SNTG1: variants seen among roughly 807,000 people sequenced by gnomAD.
The protein encoded by SNTG1 is gamma-1-syntrophin.
In SNTG1, 39 loss-of-function variants were observed where a neutral mutation model predicts 74.7. The ratio of observed to expected loss-of-function variants is 0.52; its 90% CI spans 0.40 to 0.68. SNTG1 has a LOEUF of 0.68. Among genes scored for constraint, SNTG1 ranks in the 30% least tolerant of loss-of-function variants. The probability of loss-of-function intolerance (pLI) is 0.00; values close to 1 mark genes in which losing one functional copy is unlikely to be tolerated. For synonymous variants in SNTG1, 254 were observed against 217.1 expected, an observed-to-expected ratio of 1.17 and a Z score of -1.49; for missense variants, 685 against 609.5, an observed-to-expected ratio of 1.12 and a Z score of -1.30.
intron 2 of SNTG1, among the ~76,000 whole-genome samples, chr8:50,334,688 C>A (rs1041554763): frequency 2.0e-5 from 3 of 152,040 alleles, no homozygotes; most frequent in Non-Finnish European, 2.9e-5. Context: ...GCTATCTGGG[C>A]AAATTACTCA....
intron 18 of SNTG1, among the ~76,000 whole-genome samples, chr8:50,768,450 T>C (rs2095619182): frequency 6.6e-6 from 1 of 152,060 alleles, no homozygotes; most frequent in Admixed American, 6.6e-5. Context: ...TGTTGATGTT[T>C]GGATTTCAGA....
chr8:50,555,850 A>G (rs2094452900), intron 12 of SNTG1, among the ~76,000 whole-genome samples: 1 of 152,192 alleles, frequency 6.6e-6, no homozygotes, highest in Admixed American at 6.5e-5. Context: ...TTAATGATGA[A>G]TCACATTTTA....
At chr8:50,377,420 C>A (rs563595510) in intron 2 of SNTG1, among the ~76,000 whole-genome samples, 1 of 152,086 alleles carries the variant, frequency 6.6e-6, no homozygotes, top group Admixed American at 6.5e-5. Context: ...ATAGGGTATT[C>A]TTCAGTTTTT....
intron 15 of SNTG1, among the ~76,000 whole-genome samples, chr8:50,662,350 T>C (rs1335292584): frequency 6.6e-6 from 1 of 152,188 alleles, no homozygotes; most frequent in South Asian, 2.1e-4. Context: ...ACACCAGTAA[T>C]AACAAAAATG....
At chr8:50,583,756 G>C (rs1417303372) in intron 12 of SNTG1, among the ~76,000 whole-genome samples, 1 of 150,132 alleles carries the variant, frequency 6.7e-6, no homozygotes, top group African/African-American at 2.5e-5. Flanking sequence ...AGTTTCTTCA[G>C]ATTTGTTTTT....
chr8:50,147,034 A>T (rs956755103), intron 1 of SNTG1, among the ~76,000 whole-genome samples: 1 of 149,744 alleles, frequency 6.7e-6, no homozygotes, highest in Non-Finnish European at 1.5e-5. Context: ...CCAATTTTTA[A>T]TTTTTTTTTT....
chr8:50,513,149 C>T (rs1469491279), intron 9 of SNTG1, among the ~76,000 whole-genome samples: 3 of 152,178 alleles, frequency 2.0e-5, no homozygotes, highest in Non-Finnish European at 4.4e-5. Flanking sequence ...GAACCCTCAG[C>T]TGCTGGTCTG....
chr8:50,138,117 T>G (rs2081534996), intron 1 of SNTG1, among the ~76,000 whole-genome samples: 1 of 152,166 alleles, frequency 6.6e-6, no homozygotes, highest in African/African-American at 2.4e-5. Flanking sequence ...TAATTGTGAC[T>G]TCATAATAAC....
At position 50,793,194 on chromosome 8, in the gene SNTG1, A is replaced by C. The variant is rs1311228807; in HGVS notation, c.*365A>C. The C allele has an allele frequency of 1.3e-5, 2 of 157,934 alleles. No individual in the cohort carries two copies. Among genetic ancestry groups the C allele is most frequent in the East Asian group, 3.7e-4 (2 of 5,448 alleles). The allele number at this position is 157,934 out of a possible 1,614,324, so 9.8% of individuals were successfully genotyped here. On this transcript the variant is annotated 3_prime_UTR_variant, in exon 19 of 19. Transcript: ENST00000642720. ...TTAAATGATTACTTCTGTATTTTAG[A>C]TTATTTTGTATGACTAGTACATGTT... is the stretch of plus-strand genomic sequence containing the variant.
In SNTG1 at chr8:50,119,644, AC is replaced by A. The variant is rs2080931483; in HGVS notation, c.-102-52916del. Among the ~76,000 whole-genome samples the A allele has an allele frequency of 1.4e-5, 2 of 141,994 alleles. 1 individual carries two copies. Among genetic ancestry groups the A allele is most frequent in the Non-Finnish European group, 3.1e-5 (2 of 63,736 alleles). The allele number at this position is 141,994 out of a possible 152,430, so 93.2% of individuals were successfully genotyped here. The stretch of plus-strand genomic sequence containing the variant: ...GAAAATTAGATGAGATAATAGGTAA[AC>A]AGATAATAGCTAGCATTGAGCTAGC... On this transcript the variant is annotated intron_variant, in intron 1 of 18. Coordinates refer to ENST00000642720, the MANE Select transcript of SNTG1 (RefSeq NM_018967.5).
chr8:50,573,884 A>G (rs2094562423), intron 12 of SNTG1, among the ~76,000 whole-genome samples: 1 of 151,966 alleles, frequency 6.6e-6, no homozygotes, highest in South Asian at 2.1e-4. Context: ...TTTAAATGTA[A>G]GGTTTCATTA....
intron 9 of SNTG1, among the ~76,000 whole-genome samples, chr8:50,516,889 G>A (rs899782767): frequency 6.6e-6 from 1 of 152,276 alleles, no homozygotes; most frequent in East Asian, 1.9e-4. Flanking sequence ...TTATCCAGGA[G>A]AACTTCCCCT....
intron 1 of SNTG1, among the ~76,000 whole-genome samples, chr8:50,132,853 A>C (rs909452522): frequency 1.3e-4 from 20 of 152,158 alleles, no homozygotes; most frequent in African/African-American, 4.8e-4. Flanking sequence ...TGTCCCCCAC[A>C]GATCATTCCT....
intron 1 of SNTG1, among the ~76,000 whole-genome samples, chr8:49,994,030 A>G (rs1183252158): frequency 6.6e-6 from 1 of 152,114 alleles, no homozygotes; most frequent in Non-Finnish European, 1.5e-5. Flanking sequence ...GATATCCATT[A>G]TATAGTCTGT....
intron 1 of SNTG1, among the ~76,000 whole-genome samples, chr8:50,052,716 G>A (rs1247772711): frequency 6.6e-6 from 1 of 152,008 alleles, no homozygotes; most frequent in Non-Finnish European, 1.5e-5. Flanking sequence ...TCTTTTAACT[G>A]ACAGTAAAAA....
At chr8:50,375,064 AGGCTAGATTTGGTCCTTGGTTTGCTGTT>A (rs1360439683) in intron 2 of SNTG1, among the ~76,000 whole-genome samples, 1 of 152,196 alleles carries the variant, frequency 6.6e-6, no homozygotes, top group East Asian at 1.9e-4. Flanking sequence ...ATGTGTCTGC[AGGCTAGATTTGGTCCTTGGTTTGCTGTT>A]GGGGATCTCT....
intron 13 of SNTG1, among the ~76,000 whole-genome samples, chr8:50,626,616 C>T (rs1046019644): frequency 6.6e-6 from 1 of 152,240 alleles, no homozygotes; most frequent in African/African-American, 2.4e-5. Context: ...AAGGGATTGC[C>T]TCTGGCTAGT....
intron 2 of SNTG1, among the ~76,000 whole-genome samples, chr8:50,251,127 A>G (rs2086629199): frequency 6.6e-6 from 1 of 152,090 alleles, no homozygotes; most frequent in Admixed American, 6.6e-5. Context: ...ATGTGACCAA[A>G]GTTAAGTTGT....
At chr8:49,973,028 G>A (rs1163247056) in intron 1 of SNTG1, among the ~76,000 whole-genome samples, 1 of 152,118 alleles carries the variant, frequency 6.6e-6, no homozygotes, top group Non-Finnish European at 1.5e-5. Context: ...ATACCCAAAG[G>A]ATTATAAATC....
Sources: gnomAD v4.1 joint callset for allele counts (sites outside exome capture counted in the v4.1 genomes callset) on GRCh38, gnomAD v4.1.1 for gene constraint, MANE v1.5 for transcripts, NCBI Gene and HGNC (gene_info 2026-07-23, HGNC 2026-07-21) for gene names.